Variants in LINGO2 observed in about 807,000 individuals in gnomAD.
LINGO2 encodes the protein leucine rich repeat and Ig domain containing 2.
LINGO2 carries 14 observed loss-of-function variants against 30.6 expected under a neutral mutation model. That is an observed-to-expected ratio of 0.46 (90% CI 0.30 to 0.72). LINGO2 has a LOEUF of 0.72. LINGO2 is among the 30% of genes least tolerant of loss of function. The pLI is 0.07. For synonymous variants in LINGO2, 317 were observed against 288.5 expected (o/e 1.10, Z -1.00); for missense variants, 729 against 751.7 (o/e 0.97, Z 0.35).
At chr9:29,010,915 T>C in the LINGO2 span, among the ~76,000 whole-genome samples, 49 of 152,074 alleles carry the variant, frequency 3.2e-4, no homozygotes, top group African/African-American at 1.2e-3. Context: ...ATAAAATAAG[T>C]GGTATAATAG....
intron 1 of LINGO2, among the ~76,000 whole-genome samples, chr9:28,599,856 C>T (rs1464360804): frequency 6.6e-6 from 1 of 152,086 alleles, no homozygotes; most frequent in African/African-American, 2.4e-5. Context: ...ACAAGATTAG[C>T]TCTGAGGCTC....
At chr9:28,414,360 T>C (rs920184693) in intron 2 of LINGO2, among the ~76,000 whole-genome samples, 1 of 152,084 alleles carries the variant, frequency 6.6e-6, no homozygotes, top group African/African-American at 2.4e-5. Context: ...TATGTAAATA[T>C]ATAAAATATA....
At chr9:28,254,783 G>A (rs1308142065) in intron 4 of LINGO2, among the ~76,000 whole-genome samples, 1 of 152,022 alleles carries the variant, frequency 6.6e-6, no homozygotes, top group African/African-American at 2.4e-5. Context: ...TAACTTTTAA[G>A]TTCAGGGGTA....
intron 2 of LINGO2, among the ~76,000 whole-genome samples, chr9:28,462,315 C>T (rs191118351): frequency 2.1e-5 from 3 of 145,636 alleles, no homozygotes; most frequent in Non-Finnish European, 3.0e-5. Flanking sequence ...TGATTTTTAA[C>T]AATTTTTTTA....
chr9:28,108,587 C>A (rs1196837290), intron 4 of LINGO2, among the ~76,000 whole-genome samples: 1 of 152,038 alleles, frequency 6.6e-6, no homozygotes, highest in Non-Finnish European at 1.5e-5. Context: ...ACTTTCTGAG[C>A]TAGAGGCCTC....
chr9:28,350,559 T>C (rs1354349615), intron 3 of LINGO2, among the ~76,000 whole-genome samples: 1 of 144,916 alleles, frequency 6.9e-6, no homozygotes, highest in Non-Finnish European at 1.5e-5. Flanking sequence ...TGGGAGACTT[T>C]AACACCCCAC....
downstream of LINGO2, chr9:27,944,444 C>T (rs899693985): frequency 6.6e-6 from 1 of 152,114 alleles, no homozygotes; most frequent in South Asian, 2.1e-4. Context: ...AAAAGGGGAG[C>T]ATCACTGAGA....
At chr9:28,338,281 A>G (rs967954750) in intron 3 of LINGO2, among the ~76,000 whole-genome samples, 1 of 152,100 alleles carries the variant, frequency 6.6e-6, no homozygotes, top group Admixed American at 6.5e-5. Flanking sequence ...GTTTTGGCCA[A>G]TTTCTCCCAT....
At chr9:28,007,467 C>T (rs1822323717) in intron 5 of LINGO2, among the ~76,000 whole-genome samples, 1 of 152,112 alleles carries the variant, frequency 6.6e-6, no homozygotes, top group Non-Finnish European at 1.5e-5. Context: ...GTAAATCTGA[C>T]TGTGAAAATG....
intron 5 of LINGO2, among the ~76,000 whole-genome samples, chr9:27,964,405 T>C (rs1456605379): frequency 1.3e-5 from 2 of 152,110 alleles, no homozygotes; most frequent in African/African-American, 4.8e-5. Flanking sequence ...TGGTCTATAA[T>C]TACTTGGCTA....
the LINGO2 span, among the ~76,000 whole-genome samples, chr9:28,960,816 A>G: frequency 9.0e-3 from 877 of 97,184 alleles, 8 homozygotes; most frequent in African/African-American, 0.025. Flanking sequence ...AACAGTCCAT[A>G]TTCTAGAAAA....
At chr9:28,206,972 C>T (rs1315994186) in intron 4 of LINGO2, among the ~76,000 whole-genome samples, 2 of 152,086 alleles carry the variant, frequency 1.3e-5, no homozygotes, top group Non-Finnish European at 2.9e-5. Flanking sequence ...ACATTAGACA[C>T]ATTATGTATA....
At chr9:28,298,085 T>C (rs10968468) in intron 3 of LINGO2, among the ~76,000 whole-genome samples, 8,238 of 152,232 alleles carry the variant, frequency 0.054, 327 homozygotes, top group South Asian at 0.13. Context: ...TTTGAAACTG[T>C]ATCCTGTCAC....
chr9:28,398,870 C>G (rs1248161123), intron 2 of LINGO2, among the ~76,000 whole-genome samples: 1 of 152,164 alleles, frequency 6.6e-6, no homozygotes, highest in Non-Finnish European at 1.5e-5. Context: ...AGGCCTTTCA[C>G]TTAACCCCTT....
chr9:28,023,949 G>A (rs1823256217), intron 4 of LINGO2, among the ~76,000 whole-genome samples: 3 of 152,138 alleles, frequency 2.0e-5, no homozygotes, highest in Admixed American at 2.0e-4. Context: ...AGTAGCATCT[G>A]TCCAGGGAAG....
At chr9:28,007,667 C>G (rs1199053238) in intron 5 of LINGO2, among the ~76,000 whole-genome samples, 3 of 152,056 alleles carry the variant, frequency 2.0e-5, no homozygotes, top group Non-Finnish European at 4.4e-5. Flanking sequence ...ACAGATAATT[C>G]CATCAAACTG....
chr9:28,078,846 CAA>C (rs35130159), intron 4 of LINGO2, among the ~76,000 whole-genome samples: 30 of 133,126 alleles, frequency 2.3e-4, no homozygotes, highest in Admixed American at 5.8e-4. Flanking sequence ...AAAACTCTGT[CAA>C]AAAAAAAAAA....
At chr9:28,975,882 TCA>T in the LINGO2 span, among the ~76,000 whole-genome samples, 2 of 152,180 alleles carry the variant, frequency 1.3e-5, no homozygotes, top group Admixed American at 1.3e-4. Flanking sequence ...TGACTGAACT[TCA>T]GTTTCCTGAT....
chr9:28,473,350 T>C (rs1331894), intron 2 of LINGO2, among the ~76,000 whole-genome samples: 132,117 of 151,926 alleles, frequency 0.87, 57,689 homozygotes, highest in East Asian at 1. Flanking sequence ...ATCGTCTTTC[T>C]CCATTCTGTG....
Sources: allele counts gnomAD v4.1 joint callset (sites outside exome capture counted in the v4.1 genomes callset), GRCh38; gene constraint gnomAD v4.1.1; transcripts MANE v1.5; gene names NCBI Gene and HGNC (gene_info 2026-07-23, HGNC 2026-07-21).